The following ABCA13 variants were observed in gnomAD, a reference collection of about 807,000 sequenced individuals.
The protein encoded by ABCA13 is ATP-binding cassette sub-family A member 13.
In ABCA13, 476 loss-of-function variants were observed where a neutral mutation model predicts 478.7. That is an observed-to-expected ratio of 0.99 (90% CI 0.92 to 1.07). The LOEUF (loss-of-function observed/expected upper bound fraction) is 1.07, where lower values mean the gene tolerates loss of function less well. Among genes scored for constraint, ABCA13 ranks in the 50% least tolerant of loss-of-function variants. ABCA13 has a pLI of 0.00. For missense variants in ABCA13, 6,060 were observed against 5,910.6 expected (o/e 1.03, Z -0.83); for synonymous variants, 2,252 against 2,158.9 (o/e 1.04, Z -1.20).
Position 48,601,391 on chromosome 7 carries a change from G to A in ABCA13, c.14744+6578G>A, listed in dbSNP as rs547631565. Among the ~76,000 whole-genome samples the A allele has an allele frequency of 6.6e-5, 10 of 151,928 alleles. No individual in the cohort carries two copies. The South Asian group carries it at 8.4e-4, about 13-fold the overall frequency. On this transcript the variant is annotated intron_variant, in intron 58 of 61. Transcript: ENST00000435803. ...ATCCGTCACCCAGCCTCCCACCCCC[G>A]CAACAGGCCCCGGTGTGTGATGCTC...
chr7:48,276,360 C>T lies in ABCA13; in HGVS notation c.6694C>T (p.Leu2232Phe), dbSNP rs758906702. ...AGCTTGGAACTTAAATGATACTGAC[C>T]TTCAAATAATGAATTTCATTAACCT... ...EAAWNLNDTD[L>F]QIMNFINLIL... The change falls in exon 17 of 62, where the codon CTT becomes TTT. Residue 2232 changes from leucine (L) to phenylalanine (F), a missense_variant. This residue lies in a region of ABCA13 where 4,423 missense variants were observed against 4,309.1 expected (regional missense o/e 1.03). Coordinates refer to ENST00000435803, the MANE Select transcript of ABCA13 (RefSeq NM_152701.5). 1.9e-6 allele frequency: 3 copies of T among 1,547,820 alleles called. No homozygotes were observed. Among genetic ancestry groups the T allele is most frequent in the East Asian group, 2.3e-5 (1 of 43,972 alleles).
chr7:48,467,356 G>A (rs1826995885), intron 44 of ABCA13, among the ~76,000 whole-genome samples: 1 of 152,094 alleles, frequency 6.6e-6, no homozygotes, highest in Middle Eastern at 3.2e-3. Flanking sequence ...AAAGAATGAA[G>A]TAGGAATTAA....
At chr7:48,620,444 G>C (rs1041755436) in intron 59 of ABCA13, among the ~76,000 whole-genome samples, 13 of 152,186 alleles carry the variant, frequency 8.5e-5, no homozygotes, top group African/African-American at 3.1e-4. Context: ...TTTCGTTTTG[G>C]GTTGGATAAT....
At chr7:48,427,976 T>C in intron 42 of ABCA13, 105 bp downstream of exon 42, 1 of 725,486 alleles carries the variant, frequency 1.4e-6, no homozygotes. Flanking sequence ...CTGAAGTTAG[T>C]GAGGAGATGT....
At chr7:48,196,940 T>G (rs1798014674) in intron 2 of ABCA13, among the ~76,000 whole-genome samples, 1 of 152,166 alleles carries the variant, frequency 6.6e-6, no homozygotes, top group Non-Finnish European at 1.5e-5. Context: ...TTTACAACTT[T>G]AGAATGAAGC....
intron 3 of ABCA13, among the ~76,000 whole-genome samples, chr7:48,208,919 T>TATGC (rs1173628824): frequency 6.6e-6 from 1 of 152,170 alleles, no homozygotes; most frequent in Non-Finnish European, 1.5e-5. Flanking sequence ...CCCTGTTCAG[T>TATGC]ATGCTAGTAG....
At chr7:48,402,676 G>A (rs972323596) in intron 38 of ABCA13, among the ~76,000 whole-genome samples, 2 of 152,302 alleles carry the variant, frequency 1.3e-5, no homozygotes, top group East Asian at 3.9e-4. Context: ...GCAGAAAATG[G>A]GATTCACCCA....
intron 41 of ABCA13, among the ~76,000 whole-genome samples, chr7:48,412,899 C>G (rs905957555): frequency 6.6e-6 from 1 of 151,398 alleles, no homozygotes; most frequent in African/African-American, 2.4e-5. Flanking sequence ...GCAAGCTCTG[C>G]CTCCCGGGTT....
chr7:48,527,910 T>G (rs759438539), intron 54 of ABCA13, among the ~76,000 whole-genome samples: 5 of 152,146 alleles, frequency 3.3e-5, no homozygotes, highest in African/African-American at 4.8e-5. Flanking sequence ...GAATATTATA[T>G]TATCTCTGCA....
intron 55 of ABCA13, among the ~76,000 whole-genome samples, chr7:48,546,337 A>G (rs1179703709): frequency 1.3e-5 from 2 of 151,896 alleles, no homozygotes; most frequent in Non-Finnish European, 2.9e-5. Context: ...GCAGTGATGA[A>G]TTAGACCAAA....
chr7:48,212,627 T>C (rs1427617924), intron 3 of ABCA13, among the ~76,000 whole-genome samples: 1 of 152,248 alleles, frequency 6.6e-6, no homozygotes, highest in African/African-American at 2.4e-5. Context: ...ATTTTAGCCA[T>C]TATACTGTTG....
intron 48 of ABCA13, among the ~76,000 whole-genome samples, chr7:48,503,724 G>A (rs1243425378): frequency 6.6e-6 from 1 of 152,016 alleles, no homozygotes; most frequent in Non-Finnish European, 1.5e-5. Context: ...TCATATCTTG[G>A]CTATTGTGAA....
At chr7:48,597,248 C>A (rs947245735) in intron 58 of ABCA13, among the ~76,000 whole-genome samples, 1 of 152,198 alleles carries the variant, frequency 6.6e-6, no homozygotes, top group African/African-American at 2.4e-5. Flanking sequence ...CCATGCCCGG[C>A]CTATGGCAAC....
chr7:48,446,817 C>T (rs761721752), intron 42 of ABCA13, among the ~76,000 whole-genome samples: 2 of 152,208 alleles, frequency 1.3e-5, no homozygotes, highest in East Asian at 3.9e-4. Flanking sequence ...GACATGGCTG[C>T]TGCCAATTAT....
At chr7:48,616,221 C>T (rs1444307565) in intron 59 of ABCA13, among the ~76,000 whole-genome samples, 3 of 152,074 alleles carry the variant, frequency 2.0e-5, no homozygotes, top group Admixed American at 2.0e-4. Context: ...GAGAAAATAG[C>T]TGATGCTCAG....
At position 48,516,581 on chromosome 7, in the gene ABCA13, T is replaced by C. The variant is rs1349619626; in HGVS notation, c.13641-144T>C. 5 of 770,302 alleles carry C rather than the reference T, an allele frequency of 6.5e-6. No individual in the cohort carries two copies. In the East Asian group the frequency reaches 1.2e-4, roughly 19 times the overall value. The allele number at this position is 770,302 out of a possible 1,614,324, so 47.7% of individuals were successfully genotyped here. Reference sequence around the variant, plus strand: ...CAAACCTTATCATAGGTTGTATGTATGGGGAAAAACATAGTATATGTAGGA... The same window carrying C: ...CAAACCTTATCATAGGTTGTATGTACGGGGAAAAACATAGTATATGTAGGA... On this transcript the variant is annotated intron_variant, in intron 51 of 61. Transcript: ENST00000435803.
intron 59 of ABCA13, among the ~76,000 whole-genome samples, chr7:48,636,272 G>A (rs892183705): frequency 1.3e-5 from 2 of 152,216 alleles, no homozygotes; most frequent in East Asian, 3.8e-4. Flanking sequence ...CAAGGAGTCA[G>A]CCGCCTCCCA....
intron 3 of ABCA13, among the ~76,000 whole-genome samples, chr7:48,206,259 A>G (rs1299174866): frequency 6.6e-6 from 1 of 152,246 alleles, no homozygotes; most frequent in Non-Finnish European, 1.5e-5. Context: ...GGGGTCACAT[A>G]GAATTATAAT....
chr7:48,642,239 C>T (rs1201195313), intron 59 of ABCA13, among the ~76,000 whole-genome samples: 1 of 152,138 alleles, frequency 6.6e-6, no homozygotes, highest in Non-Finnish European at 1.5e-5. Context: ...ATCTATGTCA[C>T]TGAAACAAGG....
Sources: allele counts gnomAD v4.1 joint callset (sites outside exome capture counted in the v4.1 genomes callset), GRCh38; gene constraint gnomAD v4.1.1; regional missense constraint gnomAD v4.1.1; transcripts MANE v1.5; gene names NCBI Gene and HGNC (gene_info 2026-07-23, HGNC 2026-07-21).